The following ARHGAP18 variants were observed in gnomAD, a reference collection of about 807,000 sequenced individuals.
ARHGAP18 encodes the protein rho GTPase-activating protein 18.
In ARHGAP18, 67 loss-of-function variants were observed where a neutral mutation model predicts 86.2. That is an observed-to-expected ratio of 0.78 (90% confidence interval 0.64 to 0.95). ARHGAP18 has a LOEUF of 0.95. ARHGAP18 is among the 40% of genes least tolerant of loss of function. The probability of loss-of-function intolerance (pLI) is 0.00; values close to 1 mark genes in which losing one functional copy is unlikely to be tolerated. For synonymous variants in ARHGAP18, 283 were observed against 280.4 expected (o/e 1.01, Z -0.09); for missense variants, 691 against 780.4 (o/e 0.89, Z 1.37).
intron 5 of ARHGAP18, among the ~76,000 whole-genome samples, chr6:129,621,479 C>A (rs1267460771): frequency 2.0e-5 from 3 of 152,154 alleles, no homozygotes. Context: ...TGGGGCACTG[C>A]ACAGGGCTCA....
At position 129,638,576 on chromosome 6, in the gene ARHGAP18, C is replaced by T. The variant is rs150003221; in HGVS notation, c.370G>A (p.Gly124Arg). 9.4e-4 allele frequency: 1,520 copies of T among 1,614,118 alleles called. 2 individuals are homozygous for T. Among genetic ancestry groups the T allele is most frequent in the Non-Finnish European group, 1.2e-3 (1,426 of 1,180,016 alleles). ...LKEAGLSNLF[G>R]ESAGDPQESI... is the part of the protein sequence containing the mutation. ...TCCTGTGGATCTCCAGCAGACTCTC[C>T]GAAGAGATTGGATAAACCGGCCTCT... Residue 124 changes from glycine to arginine, a missense_variant, in exon 3 of 15, where the codon GGA becomes AGA. Gly to Arg is a moderately radical substitution (Grantham distance 125, BLOSUM62 -2). Coordinates refer to ENST00000368149, the MANE Select transcript of ARHGAP18 (RefSeq NM_033515.3).
In ARHGAP18 at chr6:129,619,120, AAGAGAGAC is replaced by A. The variant is rs1446660560; in HGVS notation, c.787-276_787-269del. On this transcript the variant is annotated intron_variant, in intron 5 of 14. Transcript: ENST00000368149. Reference sequence around the variant, plus strand: ...TATTAATACCAGTGGCTCAGAGGACAAGAGAGACAGTGAACCAGGAGAAAAAGACTTCT... The same window carrying A: ...TATTAATACCAGTGGCTCAGAGGACAAGTGAACCAGGAGAAAAAGACTTCT... Among the ~76,000 whole-genome samples the A allele has an allele frequency of 2.0e-5, 3 of 147,486 alleles. No individual in the cohort carries two copies. In the East Asian group the frequency reaches 6.1e-4, roughly 30 times the overall value.
chr6:129,626,032 A>C (rs1210754671), intron 5 of ARHGAP18, among the ~76,000 whole-genome samples: 3 of 115,252 alleles, frequency 2.6e-5, no homozygotes, highest in Non-Finnish European at 3.4e-5. Context: ...ATAGCTATCT[A>C]TATATATACA....
At chr6:129,679,289 T>A (rs1351916239) in intron 1 of ARHGAP18, among the ~76,000 whole-genome samples, 1 of 152,256 alleles carries the variant, frequency 6.6e-6, no homozygotes, top group Non-Finnish European at 1.5e-5. Flanking sequence ...TCTGGACAGT[T>A]ATTATTCATA....
intron 1 of ARHGAP18, among the ~76,000 whole-genome samples, chr6:129,685,414 G>C: frequency 6.6e-6 from 1 of 152,032 alleles, no homozygotes; most frequent in Admixed American, 6.5e-5. Flanking sequence ...GGCTGAGCTA[G>C]GAGAATCACT....
At chr6:129,663,960 GT>G (rs1430609274) in intron 1 of ARHGAP18, among the ~76,000 whole-genome samples, 2 of 152,262 alleles carry the variant, frequency 1.3e-5, no homozygotes, top group Non-Finnish European at 2.9e-5. Context: ...GGTTTACCAT[GT>G]TTTTTTCTTG....
At position 129,576,607 on chromosome 6, in the gene ARHGAP18, A is replaced by T. The variant is rs1252680957; in HGVS notation, c.*1906T>A. ...TTTTTTAAAATTAAGATACTTTTTC[A>T]TGATCAAAAATATGTTGTGTCTCCC... On this transcript the variant is annotated 3_prime_UTR_variant, in exon 15 of 15. Transcript: ENST00000368149. 5 of 152,186 alleles carry T rather than the reference A, an allele frequency of 3.3e-5. No individual in the cohort carries two copies. Among genetic ancestry groups the T allele is most frequent in the African/African-American group, 1.2e-4 (5 of 41,442 alleles). 9.4% of individuals were successfully genotyped at this position (152,186 alleles called of 1,614,324 possible).
intron 1 of ARHGAP18, among the ~76,000 whole-genome samples, chr6:129,659,038 C>A (rs577032847): frequency 6.6e-6 from 1 of 152,136 alleles, no homozygotes; most frequent in African/African-American, 2.4e-5. Context: ...TTTTAACCCA[C>A]GCAATATACA....
In ARHGAP18 at chr6:129,677,530, A is replaced by G. The variant is rs145464451; in HGVS notation, c.113+32494T>C. The stretch of plus-strand genomic sequence containing the variant: ...TGGTGCACTCTCACTTTCACTGAGT[A>G]TACCAATTTAAAGTTCTGACTCTAG... On this transcript the variant is annotated intron_variant, in intron 1 of 14. Transcript: ENST00000368149. Among the ~76,000 whole-genome samples the G allele has an allele frequency of 7.9e-3, 1,199 of 152,326 alleles. 48 individuals carry two copies. The highest frequency in any genetic ancestry group is 0.063 in the Admixed American group (961 of 15,300).
intron 4 of ARHGAP18, among the ~76,000 whole-genome samples, chr6:129,631,761 TTAA>T (rs1165784692): frequency 3.7e-5 from 5 of 136,300 alleles, no homozygotes; most frequent in Middle Eastern, 3.7e-3. Flanking sequence ...TGCTTCTATT[TTAA>T]AAAAAAAAAA....
At chr6:129,604,438 T>G (rs1788811779) in intron 10 of ARHGAP18, among the ~76,000 whole-genome samples, 1 of 152,156 alleles carries the variant, frequency 6.6e-6, no homozygotes, top group South Asian at 2.1e-4. Flanking sequence ...GTATCTTAAG[T>G]AAATCATAAG....
Position 129,630,312 on chromosome 6 carries a change from T to C in ARHGAP18, c.617-790A>G, listed in dbSNP as rs187610558. Among the ~76,000 whole-genome samples, 260 of 152,350 alleles carry C rather than the reference T, an allele frequency of 1.7e-3. 1 individual carries two copies. The highest frequency in any genetic ancestry group is 6.0e-3 in the African/African-American group (248 of 41,582). On this transcript the variant is annotated intron_variant, in intron 4 of 14. Transcript: ENST00000368149. ...TTTGCTGAAAACACCAGGTTTAAGC[T>C]TTGGAGAAGATACTTCTAAATTTGA...
intron 4 of ARHGAP18, among the ~76,000 whole-genome samples, chr6:129,630,328 C>T (rs1042219892): frequency 2.0e-5 from 3 of 152,076 alleles, no homozygotes; most frequent in African/African-American, 7.2e-5. Context: ...GAAGATACTT[C>T]TAAATTTGAT....
intron 5 of ARHGAP18, among the ~76,000 whole-genome samples, chr6:129,624,624 CA>C (rs1789301925): frequency 6.6e-6 from 1 of 151,390 alleles, no homozygotes; most frequent in East Asian, 2.0e-4. Flanking sequence ...TTACTTTTCC[CA>C]TTAGGTATAA....
At chr6:129,586,188 A>G (rs1446302363) in intron 12 of ARHGAP18, among the ~76,000 whole-genome samples, 1 of 152,174 alleles carries the variant, frequency 6.6e-6, no homozygotes, top group Non-Finnish European at 1.5e-5. Flanking sequence ...AGCTGTTCAC[A>G]TGGCCTCACC....
intron 1 of ARHGAP18, among the ~76,000 whole-genome samples, chr6:129,685,384 G>A (rs559767669): frequency 1.3e-5 from 2 of 152,132 alleles, no homozygotes; most frequent in South Asian, 4.2e-4. Context: ...GCAGGCACCT[G>A]TAATCCCAGC....
chr6:129,699,862 G>A (rs1178393335), intron 1 of ARHGAP18, among the ~76,000 whole-genome samples: 4 of 152,218 alleles, frequency 2.6e-5, no homozygotes, highest in Non-Finnish European at 4.4e-5. Context: ...AAATGCAAGT[G>A]TAGGGAGGAA....
chr6:129,676,331 A>AG (rs938245185), intron 1 of ARHGAP18, among the ~76,000 whole-genome samples: 7 of 152,116 alleles, frequency 4.6e-5, no homozygotes, highest in South Asian at 4.1e-4. Flanking sequence ...TGAGTTGCAG[A>AG]GGGGGGGCAA....
intron 3 of ARHGAP18, among the ~76,000 whole-genome samples, chr6:129,637,292 C>G (rs772520349): frequency 3.9e-5 from 6 of 152,070 alleles, no homozygotes; most frequent in Non-Finnish European, 7.4e-5. Context: ...CTCGAACTCT[C>G]CAGTCTCAGC....
Sources: allele counts gnomAD v4.1 joint callset (sites outside exome capture counted in the v4.1 genomes callset), GRCh38; gene constraint gnomAD v4.1.1; transcripts MANE v1.5; gene names NCBI Gene and HGNC (gene_info 2026-07-23, HGNC 2026-07-21).